DYM: variants seen among roughly 807,000 people sequenced by gnomAD.
DYM encodes dyggve-Melchior-Clausen syndrome protein.
A neutral mutation model predicts 93.1 loss-of-function variants in DYM; 78 were observed. The ratio of observed to expected loss-of-function variants is 0.84; its 90% confidence interval spans 0.70 to 1.01. The LOEUF (loss-of-function observed/expected upper bound fraction) is 1.01, where lower values mean the gene tolerates loss of function less well. Ranked by LOEUF, DYM falls within the 50% of genes least tolerant of loss-of-function variation. The pLI, the probability that DYM is intolerant of heterozygous loss-of-function variation, is 0.00. For synonymous variants in DYM, 321 were observed against 319.7 expected (o/e 1.00, Z -0.04); for missense variants, 789 against 845.0 (o/e 0.93, Z 0.82).
At chr18:49,442,860 C>CTT (rs199516387) in intron 1 of DYM, among the ~76,000 whole-genome samples, 1 of 142,984 alleles carries the variant, frequency 7.0e-6, no homozygotes, top group Non-Finnish European at 1.5e-5. Context: ...ATGATTCCTA[C>CTT]TTTTTTTTTT....
At chr18:49,199,130 A>G (rs1393535875) in intron 14 of DYM, among the ~76,000 whole-genome samples, 1 of 152,226 alleles carries the variant, frequency 6.6e-6, no homozygotes, top group African/African-American at 2.4e-5. Flanking sequence ...TCACAAGGAC[A>G]AAAAACCAAA....
chr18:49,200,973 A>T (rs1042030945), intron 14 of DYM, among the ~76,000 whole-genome samples: 2 of 152,182 alleles, frequency 1.3e-5, no homozygotes, highest in Non-Finnish European at 2.9e-5. Flanking sequence ...TTTGTATTGC[A>T]TTGTATGGCT....
intron 13 of DYM, among the ~76,000 whole-genome samples, chr18:49,210,787 G>T (rs1277825273): frequency 6.6e-6 from 1 of 152,126 alleles, no homozygotes; most frequent in Non-Finnish European, 1.5e-5. Flanking sequence ...GAGGCCAGGG[G>T]ATATATGGCA....
Position 49,042,164 on chromosome 18 carries a change from T to A in DYM, c.*1891A>T, listed in dbSNP as rs917893339. The A allele has an allele frequency of 6.5e-6, 1 of 152,714 alleles. No individual in the cohort carries two copies. Among genetic ancestry groups the A allele is most frequent in the African/African-American group, 2.4e-5 (1 of 41,412 alleles). 9.5% of individuals were successfully genotyped at this position (152,714 alleles called of 1,614,324 possible). On this transcript the variant is annotated 3_prime_UTR_variant, in exon 18 of 18. Transcript: ENST00000675505. ...GCTCTGCCACAAAGCTAAGTATTAG[T>A]AGAAGTTGTTGCCAAGCCTCACCTC...
chr18:49,433,127 A>C lies in DYM; in HGVS notation c.-53-2680T>G, dbSNP rs539709662. ...GGCAGTGGTATAGAGAATCACAGCC[A>C]TGGAGCAGGCTGGGACAAGAGTCAA... On this transcript the variant is annotated intron_variant, in intron 1 of 17. Transcript: ENST00000675505. Among the ~76,000 whole-genome samples the C allele has an allele frequency of 1.3e-3, 198 of 152,332 alleles. 1 individual carries two copies. Among genetic ancestry groups the C allele is most frequent in the African/African-American group, 4.4e-3 (184 of 41,574 alleles).
At chr18:49,222,067 C>T (rs1017624126) in intron 13 of DYM, among the ~76,000 whole-genome samples, 1 of 151,786 alleles carries the variant, frequency 6.6e-6, no homozygotes, top group Non-Finnish European at 1.5e-5. Context: ...ATTATATACT[C>T]AGTGGGTTAT....
Position 49,209,678 on chromosome 18 carries a change from A to G in DYM, c.1498T>C (p.Leu500=). ...CRHLRRYVYV[L]DKLYFPHSHC... ...GAGTGGGGGAAATACAGTTTGTCCA[A>G]CACATAAACATATCTCCGCAAGTGG... is the stretch of plus-strand genomic sequence containing the variant. The change falls in exon 14 of 18, where the codon TTG becomes CTG. Residue 500 remains leucine, a synonymous_variant. Coordinates refer to ENST00000675505, the MANE Select transcript of DYM (RefSeq NM_001353214.3). 1 of 1,288,328 alleles carries G rather than the reference A, an allele frequency of 7.8e-7. No homozygotes were observed. Among genetic ancestry groups the G allele is most frequent in the Non-Finnish European group, 1.0e-6 (1 of 988,100 alleles). The allele number at this position is 1,288,328 out of a possible 1,614,324, so 79.8% of individuals were successfully genotyped here.
At chr18:49,357,504 C>G (rs1266590073) in intron 6 of DYM, among the ~76,000 whole-genome samples, 1 of 152,150 alleles carries the variant, frequency 6.6e-6, no homozygotes, top group Non-Finnish European at 1.5e-5. Context: ...TTTCTACTAC[C>G]AATGTCAGTA....
intron 17 of DYM, 98 bp downstream of exon 17, chr18:49,097,304 G>C (rs2079631896): frequency 9.1e-7 from 1 of 1,093,902 alleles, no homozygotes; most frequent in Non-Finnish European, 1.4e-6. Flanking sequence ...TCTATGTACT[G>C]GATAAGCAGC....
At chr18:49,161,817 G>C (rs2087182974) in intron 15 of DYM, among the ~76,000 whole-genome samples, 1 of 152,192 alleles carries the variant, frequency 6.6e-6, no homozygotes, top group Non-Finnish European at 1.5e-5. Flanking sequence ...ATCATTGACT[G>C]ATATCTGGAC....
intron 14 of DYM, among the ~76,000 whole-genome samples, chr18:49,190,548 C>T (rs2090867008): frequency 6.6e-6 from 1 of 152,124 alleles, no homozygotes; most frequent in African/African-American, 2.4e-5. Flanking sequence ...CTTGAACTTC[C>T]TATTGGCATA....
At chr18:49,320,258 C>A (rs1163333759) in intron 8 of DYM, among the ~76,000 whole-genome samples, 1 of 152,106 alleles carries the variant, frequency 6.6e-6, no homozygotes, top group Non-Finnish European at 1.5e-5. Context: ...TTTCCTCCAA[C>A]ACTTATTATG....
At position 49,430,412 on chromosome 18, in the gene DYM, T is replaced by C; in HGVS notation, c.-18A>G. On this transcript the variant is annotated 5_prime_UTR_variant, in exon 2 of 18. Coordinates refer to ENST00000675505, the MANE Select transcript of DYM (RefSeq NM_001353214.3). ...GATCCCATCTTCTAGCTTAAGCAGATAATTTGTCCTTAAACCTGCATTTCC... is the reference window on the plus strand; with the variant it reads ...GATCCCATCTTCTAGCTTAAGCAGACAATTTGTCCTTAAACCTGCATTTCC... 1 of 1,612,710 alleles carries C rather than the reference T, an allele frequency of 6.2e-7. No individual in the cohort carries two copies. The highest frequency in any genetic ancestry group is 8.5e-7 in the Non-Finnish European group (1 of 1,179,948).
At chr18:49,193,086 T>C (rs1312788217) in intron 14 of DYM, among the ~76,000 whole-genome samples, 4 of 152,198 alleles carry the variant, frequency 2.6e-5, no homozygotes, top group African/African-American at 9.7e-5. Context: ...ATCGAGGTGA[T>C]GGATATGCTA....
At chr18:49,384,417 G>C (rs1294243977) in intron 3 of DYM, among the ~76,000 whole-genome samples, 1 of 149,250 alleles carries the variant, frequency 6.7e-6, no homozygotes, top group African/African-American at 2.5e-5. Context: ...CTTGAGGTCA[G>C]AAGTTCAAGA....
intron 13 of DYM, among the ~76,000 whole-genome samples, chr18:49,248,098 T>C (rs566475963): frequency 6.6e-6 from 1 of 152,334 alleles, no homozygotes; most frequent in African/African-American, 2.4e-5. Context: ...GCTAATTCTA[T>C]CTTTTAAAAA....
intron 6 of DYM, among the ~76,000 whole-genome samples, chr18:49,347,824 TAGA>T (rs1431343733): frequency 6.6e-6 from 1 of 152,230 alleles, no homozygotes; most frequent in Non-Finnish European, 1.5e-5. Flanking sequence ...TGGTGGTTTT[TAGA>T]AGATGAAAAA....
chr18:49,434,206 G>T (rs559071246), intron 1 of DYM, among the ~76,000 whole-genome samples: 101 of 152,242 alleles, frequency 6.6e-4, no homozygotes, highest in African/African-American at 2.4e-3. Flanking sequence ...AATTAGCCAG[G>T]TGTGGTGGCA....
intron 15 of DYM, among the ~76,000 whole-genome samples, chr18:49,158,094 T>A (rs2086651215): frequency 6.6e-6 from 1 of 152,182 alleles, no homozygotes; most frequent in Non-Finnish European, 1.5e-5. Context: ...CCTGCCTGAA[T>A]CTCTCCTTTG....
Sources: gnomAD v4.1 joint callset for allele counts (sites outside exome capture counted in the v4.1 genomes callset) on GRCh38, gnomAD v4.1.1 for gene constraint, MANE v1.5 for transcripts, NCBI Gene and HGNC (gene_info 2026-07-23, HGNC 2026-07-21) for gene names.